The following FILIP1L variants were observed in gnomAD, a reference collection of about 807,000 sequenced individuals.
The protein encoded by FILIP1L is filamin A-interacting protein 1-like.
Under a neutral mutation model 96.6 loss-of-function variants are expected in FILIP1L, and 55 were observed. The observed-to-expected ratio is 0.57, with a 90% CI of 0.46 to 0.71. The LOEUF is 0.71. FILIP1L is among the 30% of genes least tolerant of loss of function. The pLI, the probability that FILIP1L is intolerant of heterozygous loss-of-function variation, is 0.00. For missense variants in FILIP1L, 1,304 were observed against 1,321.2 expected, an observed-to-expected ratio of 0.99 and a Z score of 0.20; for synonymous variants, 467 against 473.9, an observed-to-expected ratio of 0.99 and a Z score of 0.19.
At chr3:100,053,577 A>G (rs1302407857) in intron 1 of FILIP1L, among the ~76,000 whole-genome samples, 2 of 152,178 alleles carry the variant, frequency 1.3e-5, no homozygotes, top group Admixed American at 6.5e-5. Flanking sequence ...CAAACACCCT[A>G]TTTCCAAATA....
intron 1 of FILIP1L, among the ~76,000 whole-genome samples, chr3:100,027,427 A>T (rs1416200343): frequency 1.3e-5 from 2 of 152,138 alleles, no homozygotes; most frequent in Admixed American, 6.6e-5. Context: ...CCTGGGCTGT[A>T]CTTCTTTTGG....
At chr3:99,857,093 A>AT (rs1292436886) in intron 4 of FILIP1L, among the ~76,000 whole-genome samples, 23 of 152,004 alleles carry the variant, frequency 1.5e-4, no homozygotes, top group Non-Finnish European at 3.1e-4. Flanking sequence ...AACCACATGA[A>AT]TTTTTTTTGA....
At chr3:99,908,047 T>C (rs543712962) in intron 4 of FILIP1L, among the ~76,000 whole-genome samples, 16 of 152,276 alleles carry the variant, frequency 1.1e-4, no homozygotes, top group Non-Finnish European at 2.1e-4. Context: ...GCAATGAGCA[T>C]GGCCAAGGAT....
At chr3:100,001,245 C>G (rs1463421161) in intron 1 of FILIP1L, among the ~76,000 whole-genome samples, 2 of 152,080 alleles carry the variant, frequency 1.3e-5, no homozygotes, top group South Asian at 2.1e-4. Context: ...CAAATCAGAC[C>G]CTTAATCTGT....
chr3:99,897,351 AAGAGC>A (rs1706290554), intron 4 of FILIP1L, among the ~76,000 whole-genome samples: 1 of 152,076 alleles, frequency 6.6e-6, no homozygotes, highest in African/African-American at 2.4e-5. Context: ...CCTGGGGGAC[AAGAGC>A]TAGACTTTGT....
chr3:99,876,314 C>T (rs901080856), intron 4 of FILIP1L: 2 of 563,494 alleles, frequency 3.5e-6, no homozygotes, highest in Admixed American at 6.3e-5. Context: ...AGCCACACAC[C>T]CCAGCTCCCG....
At chr3:100,021,946 TGTGTGTGTGTGTGTGAGAGAGAGA>T (rs2064827384) in intron 1 of FILIP1L, among the ~76,000 whole-genome samples, 2 of 129,406 alleles carry the variant, frequency 1.5e-5, no homozygotes, top group African/African-American at 2.8e-5. Flanking sequence ...TGTGTGTGTG[TGTGTGTGTGTGTGTGAGAGAGAGA>T]GAGAGAGAGA....
intron 1 of FILIP1L, among the ~76,000 whole-genome samples, chr3:99,966,935 G>A (rs1228687938): frequency 1.3e-5 from 2 of 152,176 alleles, no homozygotes; most frequent in Non-Finnish European, 2.9e-5. Context: ...GAGTATGCCT[G>A]ACTGAACCTC....
chr3:99,864,967 T>C (rs1385572271), intron 4 of FILIP1L, among the ~76,000 whole-genome samples: 4 of 152,190 alleles, frequency 2.6e-5, no homozygotes, highest in Admixed American at 2.0e-4. Flanking sequence ...TTTTGTTTAA[T>C]ACTATATTTC....
intron 1 of FILIP1L, among the ~76,000 whole-genome samples, chr3:100,049,172 A>G (rs1283497025): frequency 6.6e-6 from 1 of 152,220 alleles, no homozygotes; most frequent in African/African-American, 2.4e-5. Flanking sequence ...ATTTGAAGTT[A>G]TACCTTTGGG....
intron 4 of FILIP1L, among the ~76,000 whole-genome samples, chr3:99,886,919 A>C (rs578167600): frequency 2.0e-5 from 3 of 151,394 alleles, no homozygotes; most frequent in Admixed American, 2.0e-4. Context: ...GTAGTGAGCC[A>C]AGATCATGCA....
chr3:100,063,923 AC>A (rs1559744899), intron 1 of FILIP1L, among the ~76,000 whole-genome samples: 1 of 152,280 alleles, frequency 6.6e-6, no homozygotes, highest in South Asian at 2.1e-4. Flanking sequence ...CCACATGTTT[AC>A]CCCAAGACTG....
At chr3:99,974,427 G>A (rs1708909153) in intron 1 of FILIP1L, among the ~76,000 whole-genome samples, 1 of 152,098 alleles carries the variant, frequency 6.6e-6, no homozygotes, top group South Asian at 2.1e-4. Flanking sequence ...CTCATTATTT[G>A]GGCTGGGCGC....
chr3:99,886,234 TC>T (rs1705891643), intron 4 of FILIP1L, among the ~76,000 whole-genome samples: 1 of 149,754 alleles, frequency 6.7e-6, no homozygotes, highest in Non-Finnish European at 1.5e-5. Flanking sequence ...TATGCTGAGT[TC>T]CTGGTGAGAG....
chr3:99,907,537 G>C (rs563131753), intron 4 of FILIP1L, among the ~76,000 whole-genome samples: 3 of 152,230 alleles, frequency 2.0e-5, no homozygotes, highest in African/African-American at 7.2e-5. Flanking sequence ...GTGAGCCAAC[G>C]CACCTGGCGT....
chr3:99,997,047 A>G (rs185081872), intron 1 of FILIP1L, among the ~76,000 whole-genome samples: 1 of 152,370 alleles, frequency 6.6e-6, no homozygotes, highest in Non-Finnish European at 1.5e-5. Flanking sequence ...TCAATAAAAT[A>G]TCTGAAATTA....
At chr3:99,941,867 A>T (rs1656319796) in intron 1 of FILIP1L, among the ~76,000 whole-genome samples, 1 of 152,152 alleles carries the variant, frequency 6.6e-6, no homozygotes, top group Admixed American at 6.6e-5. Context: ...ATGAGATAAA[A>T]CCTTGAAATT....
At chr3:100,048,789 C>T (rs1559739052) in intron 1 of FILIP1L, among the ~76,000 whole-genome samples, 1 of 152,052 alleles carries the variant, frequency 6.6e-6, no homozygotes, top group East Asian at 1.9e-4. Flanking sequence ...CTAGGTTTTT[C>T]TCCTAGGACA....
At chr3:99,953,798 A>G (rs1359163050) in intron 1 of FILIP1L, among the ~76,000 whole-genome samples, 1 of 152,182 alleles carries the variant, frequency 6.6e-6, no homozygotes, top group Non-Finnish European at 1.5e-5. Flanking sequence ...CACATAGGCA[A>G]TTAGCTAGCT....
Sources: allele counts gnomAD v4.1 joint callset (sites outside exome capture counted in the v4.1 genomes callset), GRCh38; gene constraint gnomAD v4.1.1; transcripts MANE v1.5; gene names NCBI Gene and HGNC (gene_info 2026-07-23, HGNC 2026-07-21).